The following LPP variants were observed in gnomAD, a reference collection of about 807,000 sequenced individuals.
The protein encoded by LPP is lipoma-preferred partner.
Under a neutral mutation model 60.4 loss-of-function variants are expected in LPP, and 38 were observed. The ratio of observed to expected loss-of-function variants is 0.63; its 90% CI spans 0.49 to 0.83. The LOEUF (loss-of-function observed/expected upper bound fraction) is 0.83, where lower values mean the gene tolerates loss of function less well. Among genes scored for constraint, LPP ranks in the 40% least tolerant of loss-of-function variants. The pLI is 0.00. For missense variants in LPP, 902 were observed against 783.6 expected (o/e 1.15, Z -1.80); for synonymous variants, 328 against 290.8 (o/e 1.13, Z -1.30).
intron 8 of LPP, among the ~76,000 whole-genome samples, chr3:188,751,335 A>T (rs1272808697): frequency 6.6e-6 from 1 of 152,212 alleles, no homozygotes; most frequent in Non-Finnish European, 1.5e-5. Context: ...AGGCAAAAAT[A>T]ATTGTTGCAA....
At chr3:188,194,556 C>T (rs576857799) in intron 1 of LPP, among the ~76,000 whole-genome samples, 2 of 152,242 alleles carry the variant, frequency 1.3e-5, no homozygotes, top group Admixed American at 1.3e-4. Context: ...TCAGGGAAAA[C>T]CTAGTTTCTT....
In LPP at chr3:188,879,833, G is replaced by A. The variant is rs1374852069; in HGVS notation, c.*5354G>A. 1.1e-5 allele frequency: 2 copies of A among 180,626 alleles called. No homozygotes were observed. The highest frequency in any genetic ancestry group is 4.7e-5 in the African/African-American group (2 of 42,362). 11.2% of individuals were successfully genotyped at this position (180,626 alleles called of 1,614,324 possible). A position where few individuals can be genotyped will look rare whatever the true frequency, so the allele number is the denominator to read the frequency against. ...GTTGATACTAAAATATTTTTCAGCA[G>A]GTTGGACAGCACCAGTTTTTCTTAG... On this transcript the variant is annotated 3_prime_UTR_variant, in exon 12 of 12. Transcript: ENST00000617246.
chr3:188,666,350 C>T (rs914328067), intron 7 of LPP, among the ~76,000 whole-genome samples: 3 of 152,122 alleles, frequency 2.0e-5, no homozygotes, highest in Non-Finnish European at 4.4e-5. Context: ...TCATCCTTAA[C>T]GGTGTGGAAG....
intron 8 of LPP, among the ~76,000 whole-genome samples, chr3:188,728,538 T>C (rs545491084): frequency 2.6e-5 from 4 of 152,346 alleles, no homozygotes; most frequent in Non-Finnish European, 4.4e-5. Flanking sequence ...TATTATATTA[T>C]GCAGATCTAT....
intron 1 of LPP, among the ~76,000 whole-genome samples, chr3:188,167,702 A>C (rs777394917): frequency 4.6e-5 from 7 of 151,036 alleles, no homozygotes; most frequent in Non-Finnish European, 8.8e-5. Flanking sequence ...GTGTTTGCTG[A>C]CTGGCTAAAT....
At chr3:188,557,633 G>A (rs1316717972) in intron 6 of LPP, among the ~76,000 whole-genome samples, 3 of 152,058 alleles carry the variant, frequency 2.0e-5, no homozygotes, top group African/African-American at 4.8e-5. Flanking sequence ...CTCTCTCTCT[G>A]TGTAGTCCAT....
chr3:188,286,671 A>T (rs1225617499), intron 2 of LPP, among the ~76,000 whole-genome samples: 4 of 152,158 alleles, frequency 2.6e-5, no homozygotes, highest in Non-Finnish European at 5.9e-5. Flanking sequence ...TATTGATACT[A>T]AAAAGGAAAG....
chr3:188,281,435 C>A (rs944420188), intron 2 of LPP, among the ~76,000 whole-genome samples: 2 of 151,538 alleles, frequency 1.3e-5, no homozygotes, highest in Non-Finnish European at 2.9e-5. Context: ...AACCCCGTCT[C>A]TACTAAAAAT....
chr3:188,755,651 T>TA (rs1729894563), intron 8 of LPP, among the ~76,000 whole-genome samples: 1 of 150,794 alleles, frequency 6.6e-6, no homozygotes. Context: ...AGGAAAATAT[T>TA]AAAAATTAGC....
At chr3:188,829,643 A>C (rs1370407086) in intron 9 of LPP, among the ~76,000 whole-genome samples, 2 of 152,162 alleles carry the variant, frequency 1.3e-5, no homozygotes, top group African/African-American at 4.8e-5. Flanking sequence ...AAAGAATCCA[A>C]GTATATGTGG....
intron 9 of LPP, among the ~76,000 whole-genome samples, chr3:188,864,130 A>G (rs749505910): frequency 2.0e-5 from 3 of 152,120 alleles, no homozygotes; most frequent in Admixed American, 6.5e-5. Flanking sequence ...TTTTAATTTC[A>G]CCACTTCAAA....
At chr3:188,632,384 GA>G (rs774241975) in intron 7 of LPP, among the ~76,000 whole-genome samples, 27 of 152,300 alleles carry the variant, frequency 1.8e-4, no homozygotes, top group Non-Finnish European at 1.6e-4. Context: ...GGACCGGTAG[GA>G]TAGGGCCTGG....
intron 2 of LPP, among the ~76,000 whole-genome samples, chr3:188,245,481 A>T (rs1473389613): frequency 6.6e-6 from 1 of 152,160 alleles, no homozygotes; most frequent in African/African-American, 2.4e-5. Context: ...TTAGCAGAGA[A>T]AATTCTCAGT....
intron 1 of LPP, among the ~76,000 whole-genome samples, chr3:188,174,767 A>G (rs746372109): frequency 5.5e-4 from 84 of 152,108 alleles, no homozygotes; most frequent in Admixed American, 1.6e-3. Context: ...TTTGAATCCA[A>G]TTGATCTTCA....
intron 7 of LPP, among the ~76,000 whole-genome samples, chr3:188,618,202 A>G (rs1184530627): frequency 6.6e-6 from 1 of 152,152 alleles, no homozygotes; most frequent in Non-Finnish European, 1.5e-5. Flanking sequence ...AGCAACCCCA[A>G]CTTTTAGAAG....
intron 2 of LPP, among the ~76,000 whole-genome samples, chr3:188,240,313 C>T (rs1723703436): frequency 6.6e-6 from 1 of 151,338 alleles, no homozygotes; most frequent in Admixed American, 6.6e-5. Flanking sequence ...AGGTTGTTGA[C>T]TGCATAAGAG....
At chr3:188,854,768 G>T (rs749100297) in intron 9 of LPP, among the ~76,000 whole-genome samples, 8 of 152,166 alleles carry the variant, frequency 5.3e-5, no homozygotes, top group Non-Finnish European at 1.0e-4. Flanking sequence ...GACCCTAGTT[G>T]TTTGGCTCAG....
chr3:188,777,357 C>T (rs1334848331), intron 9 of LPP, among the ~76,000 whole-genome samples: 1 of 151,782 alleles, frequency 6.6e-6, no homozygotes, highest in Non-Finnish European at 1.5e-5. Flanking sequence ...CATTGAAATC[C>T]ATCCAATCAA....
At chr3:188,225,022 T>C (rs73057635) in intron 1 of LPP, among the ~76,000 whole-genome samples, 2,620 of 152,312 alleles carry the variant, frequency 0.017, 69 homozygotes, top group African/African-American at 0.057. Context: ...TCAAAGAACA[T>C]TAGGTCCTAT....
Sources: allele counts gnomAD v4.1 joint callset (sites outside exome capture counted in the v4.1 genomes callset), GRCh38; gene constraint gnomAD v4.1.1; transcripts MANE v1.5; gene names NCBI Gene and HGNC (gene_info 2026-07-23, HGNC 2026-07-21).